The following TXNL4A variants were observed in gnomAD, a reference collection of about 807,000 sequenced individuals.
The protein encoded by TXNL4A is thioredoxin like 4A, also known as thioredoxin-like protein 4A.
Under a neutral mutation model 14.6 loss-of-function variants are expected in TXNL4A, and 17 were observed. The observed-to-expected ratio is 1.16, with a 90% CI of 0.80 to 1.74. The LOEUF is 1.74. TXNL4A is among the 40% of genes most tolerant of loss of function. The probability of loss-of-function intolerance (pLI) is 0.00; values close to 1 mark genes in which losing one functional copy is unlikely to be tolerated. For synonymous variants in TXNL4A, 83 were observed against 70.6 expected (o/e 1.18, Z -0.88); for missense variants, 74 against 195.2 (o/e 0.38, Z 3.70).
At chr18:80,024,523 G>A (rs988257674) in intron 1 of TXNL4A, among the ~76,000 whole-genome samples, 1 of 152,086 alleles carries the variant, frequency 6.6e-6, no homozygotes, top group Non-Finnish European at 1.5e-5. Context: ...CCAATCAGAT[G>A]TGACCAACTC....
chr18:79,977,463 G>C (rs1187713737), intron 2 of TXNL4A, 135 bp downstream of exon 2: 8 of 692,824 alleles, frequency 1.2e-5, no homozygotes, highest in Non-Finnish European at 2.0e-5. Context: ...CTGATTGCCT[G>C]GTGATACAAA....
intron 1 of TXNL4A, chr18:79,986,487 G>C: frequency 1.2e-6 from 1 of 823,570 alleles, no homozygotes; most frequent in Non-Finnish European, 1.5e-6. Flanking sequence ...GTCCTTAAGT[G>C]TGTGTCCACT....
In TXNL4A at chr18:79,973,206, C is replaced by G. The variant is rs1321057199; in HGVS notation, c.*479G>C. On this transcript the variant is annotated 3_prime_UTR_variant, in exon 3 of 3. Coordinates refer to ENST00000269601, the MANE Select transcript of TXNL4A (RefSeq NM_006701.5). Reference sequence around the variant, plus strand: ...ACACACCAAGGAACTGAAAATACCACCAGCAGCCCCCAGAAGCCAGGGACA... The same window carrying G: ...ACACACCAAGGAACTGAAAATACCAGCAGCAGCCCCCAGAAGCCAGGGACA... 1 of 153,520 alleles carries G rather than the reference C, an allele frequency of 6.5e-6. No homozygotes were observed. The highest frequency in any genetic ancestry group is 1.4e-5 in the Non-Finnish European group (1 of 69,064). The allele number at this position is 153,520 out of a possible 1,614,324, so 9.5% of individuals were successfully genotyped here.
rs369317289 is a variant in TXNL4A, at chr18:79,973,814, G to A, written c.300C>T (p.Asn100=). ...TGTCCTCCATGGCCCAGTTAATCTT[G>A]TTGTTGTTGCCAGTCCCCAAGTCAA... ...IMIDLGTGNN[N]KINWAMEDKQ... The change falls in exon 3 of 3, where the codon AAC becomes AAT. Residue 100 remains asparagine, a synonymous_variant. Coordinates refer to ENST00000269601, the MANE Select transcript of TXNL4A (RefSeq NM_006701.5). 17 of 1,613,996 alleles carry A rather than the reference G, an allele frequency of 1.1e-5. No individual in the cohort carries two copies. The highest frequency in any genetic ancestry group is 1.4e-5 in the Non-Finnish European group (17 of 1,179,998).
At chr18:80,004,464 C>T (rs949914878) in intron 1 of TXNL4A, among the ~76,000 whole-genome samples, 2 of 152,178 alleles carry the variant, frequency 1.3e-5, no homozygotes, top group Non-Finnish European at 1.5e-5. Context: ...CCGAGTGCTC[C>T]CTGTCTGAGC....
At chr18:79,995,623 G>A (rs183210107) in intron 1 of TXNL4A, among the ~76,000 whole-genome samples, 150 of 152,328 alleles carry the variant, frequency 9.8e-4, no homozygotes, top group African/African-American at 2.8e-3. Context: ...TTGGGCCACA[G>A]CCAGAACTAA....
At chr18:80,023,799 T>C (rs1467449414) in intron 1 of TXNL4A, among the ~76,000 whole-genome samples, 1 of 152,218 alleles carries the variant, frequency 6.6e-6, no homozygotes, top group Non-Finnish European at 1.5e-5. Context: ...ACTAAGACAC[T>C]GACTAACTTT....
chr18:80,004,708 C>G (rs559462767), intron 1 of TXNL4A, among the ~76,000 whole-genome samples: 1 of 152,170 alleles, frequency 6.6e-6, no homozygotes, highest in African/African-American at 2.4e-5. Context: ...TGAATGTGCA[C>G]GCTCTGAGAA....
chr18:79,977,725 ACTG>A, intron 1 of TXNL4A, 24 bp from the exon 2 acceptor site: 3 of 1,322,638 alleles, frequency 2.3e-6, no homozygotes, highest in Non-Finnish European at 3.2e-6. Context: ...AAAAAAAAAA[ACTG>A]AAATAACAGA....
At position 79,973,749 on chromosome 18, in the gene TXNL4A, C is replaced by CCG. The variant is rs1402144387; in HGVS notation, c.363_364dup (p.Gly122AlafsTer69). Reference sequence around the variant, plus strand: ...CACCAGGCCGCGGCCTTTGCGGGCCCCGCGGTACACCGTCTCGATGATGTC... The same window carrying CCG: ...CACCAGGCCGCGGCCTTTGCGGGCCCCGCGCGGTACACCGTCTCGATGATGTC... On this transcript the variant is annotated frameshift_variant, in exon 3 of 3. Transcript: ENST00000269601. LOFTEE classifies it high-confidence loss of function. The CCG allele has an allele frequency of 1.2e-6, 2 of 1,614,212 alleles. No individual in the cohort carries two copies. Among genetic ancestry groups the CCG allele is most frequent in the Middle Eastern group, 1.6e-4 (1 of 6,062 alleles).
chr18:79,983,950 C>T (rs2051503528), intron 1 of TXNL4A, among the ~76,000 whole-genome samples: 1 of 152,030 alleles, frequency 6.6e-6, no homozygotes, highest in South Asian at 2.1e-4. Context: ...CGCCGCTCAA[C>T]ACCACTCCTC....
chr18:79,982,585 A>C lies in TXNL4A; in HGVS notation c.154-4884T>G, dbSNP rs1175814975. ...GCAGTCTCAGAAACCAAGGCAGGAG[A>C]CTCCGGGGAGCTGTGCCGAGTGCCC... On this transcript the variant is annotated intron_variant, in intron 1 of 2. Transcript: ENST00000269601. The surrounding 1 kb of genome is among the most constrained non-coding windows in gnomAD (Gnocchi z 4.0). 6.6e-6 allele frequency among the ~76,000 whole-genome samples: 1 copy of C among 152,028 alleles called. No homozygotes were observed. The highest frequency in any genetic ancestry group is 1.5e-5 in the Non-Finnish European group (1 of 68,016).
Position 79,977,714 on chromosome 18 carries a change from T to TAAA in TXNL4A, c.154-16_154-14dup. On this transcript the variant is annotated splice_polypyrimidine_tract_variant and intron_variant, in intron 1 of 2. Transcript: ENST00000269601. ...CAAAATTTTTAACCTAAAAGGAGAT[T>TAAA]AAAAAAAAAAACTGAAATAACAGAA... 7.4e-6 allele frequency: 9 copies of TAAA among 1,210,726 alleles called. No homozygotes were observed. Among genetic ancestry groups the TAAA allele is most frequent in the South Asian group, 1.5e-5 (1 of 66,186 alleles). 75.0% of individuals were successfully genotyped at this position (1,210,726 alleles called of 1,614,324 possible).
chr18:79,991,042 A>C (rs2051624594), upstream of TXNL4A, among the ~76,000 whole-genome samples: 1 of 144,798 alleles, frequency 6.9e-6, no homozygotes, highest in Non-Finnish European at 1.5e-5. Flanking sequence ...CGGGAGGCGG[A>C]GCTTGCAGTG....
chr18:79,988,910 C>G (rs998655805), upstream of TXNL4A, among the ~76,000 whole-genome samples: 1 of 152,230 alleles, frequency 6.6e-6, no homozygotes. Context: ...GGCTCGTTTT[C>G]TTCCTTTCTG....
At chr18:79,989,779 A>G (rs1599733995), upstream of TXNL4A, among the ~76,000 whole-genome samples, 1 of 151,966 alleles carries the variant, frequency 6.6e-6, no homozygotes, top group East Asian at 2.0e-4. Context: ...CGGATCGCCT[A>G]TGGTCGGGAG....
chr18:79,988,503 C>T lies in TXNL4A; in HGVS notation c.-111G>A, dbSNP rs188197587. 6.4e-4 allele frequency: 754 copies of T among 1,186,078 alleles called. 3 individuals carry two copies. The African/African-American group carries it at 0.011, about 17-fold the overall frequency. 73.5% of individuals were successfully genotyped at this position (1,186,078 alleles called of 1,614,324 possible). On this transcript the variant is annotated 5_prime_UTR_variant, in exon 1 of 3. Coordinates refer to ENST00000269601, the MANE Select transcript of TXNL4A (RefSeq NM_006701.5). Reference sequence around the variant, plus strand: ...CCCCCGCCGCCCCCGGGCCCACGGACGAAATCCGGTCCCGCCCGCACACGC... The same window carrying T: ...CCCCCGCCGCCCCCGGGCCCACGGATGAAATCCGGTCCCGCCCGCACACGC...
rs535310125 is a variant in TXNL4A at position 79,980,276 on chromosome 18, G to A, written c.154-2575C>T. Among the ~76,000 whole-genome samples the A allele has an allele frequency of 1.3e-3, 193 of 152,370 alleles. 2 individuals are homozygous for A. Among genetic ancestry groups the A allele is most frequent in the Admixed American group, 3.1e-3 (47 of 15,298 alleles). On this transcript the variant is annotated intron_variant, in intron 1 of 2. Coordinates refer to ENST00000269601, the MANE Select transcript of TXNL4A (RefSeq NM_006701.5). ...CTCGATTCTGGACTTCTGGTATCCA[G>A]AATTGTGAGAGAAGTTTCTGTTGTT...
Position 79,973,713 on chromosome 18 carries a change from T to C in TXNL4A, c.401A>G (p.Lys134Arg), listed in dbSNP as rs1254825401. The C allele has an allele frequency of 6.2e-7, 1 of 1,614,174 alleles. No homozygotes were observed. The highest frequency in any genetic ancestry group is 8.5e-7 in the Non-Finnish European group (1 of 1,180,034). The change falls in exon 3 of 3, where the codon AAG (lysine) becomes AGG (arginine). Residue 134 changes from lysine (K) to arginine (R), a missense_variant. Transcript: ENST00000269601. ...RKGRGLVVSP[K>R]DYSTKYRY ...GTAGCGGTACTTGGTGGAGTAGTCC[T>C]TGGGGGACACCACCAGGCCGCGGCC... is the stretch of plus-strand genomic sequence containing the variant.
Sources: allele counts gnomAD v4.1 joint callset (sites outside exome capture counted in the v4.1 genomes callset), GRCh38; gene constraint gnomAD v4.1.1; non-coding constraint Gnocchi (gnomAD v3.1); transcripts MANE v1.5; gene names NCBI Gene and HGNC (gene_info 2026-07-23, HGNC 2026-07-21).